The following RAB10 variants were observed in gnomAD, a reference collection of about 807,000 sequenced individuals.
RAB10 encodes ras-related protein Rab-10.
In RAB10, 5 loss-of-function variants were observed where a neutral mutation model predicts 25.7. The observed-to-expected ratio is 0.19, with a 90% CI of 0.10 to 0.41. The LOEUF (loss-of-function observed/expected upper bound fraction) is 0.41. Among genes scored for constraint, RAB10 ranks in the 10% least tolerant of loss-of-function variants. The pLI is 1.00. For missense variants in RAB10, 103 were observed against 245.8 expected (o/e 0.42, Z 3.89); for synonymous variants, 89 against 86.4 (o/e 1.03, Z -0.16).
intron 3 of RAB10, among the ~76,000 whole-genome samples, chr2:26,123,999 A>G (rs1351486185): frequency 6.6e-6 from 1 of 152,150 alleles, no homozygotes; most frequent in Non-Finnish European, 1.5e-5. Context: ...CAATTTGAAG[A>G]CATTGAGGAT....
chr2:26,098,109 C>CTTTTTTTTTTTT (rs57174956), intron 1 of RAB10, among the ~76,000 whole-genome samples: 18 of 52,726 alleles, frequency 3.4e-4, no homozygotes, highest in African/African-American at 6.2e-4. Context: ...TTCTTTCTTT[C>CTTTTTTTTTTTT]TTTTTTTTTT....
intron 1 of RAB10, among the ~76,000 whole-genome samples, chr2:26,068,167 G>A (rs1365947642): frequency 6.6e-6 from 1 of 152,106 alleles, no homozygotes; most frequent in Non-Finnish European, 1.5e-5. Context: ...CAGAGGAAGT[G>A]GGCACAAAAA....
chr2:26,098,109 CTTTTTTTTTTTTTTT>C (rs57174956), intron 1 of RAB10, among the ~76,000 whole-genome samples: 2 of 52,724 alleles, frequency 3.8e-5, no homozygotes, highest in African/African-American at 7.7e-5. Flanking sequence ...TTCTTTCTTT[CTTTTTTTTTTTTTTT>C]TTTTTTTTTT....
chr2:26,096,325 T>G lies in RAB10; in HGVS notation c.128-2337T>G, dbSNP rs534002004. On this transcript the variant is annotated intron_variant, in intron 1 of 5. Coordinates refer to ENST00000264710, the MANE Select transcript of RAB10 (RefSeq NM_016131.5). ...TCACAGAGCAGCTTCAGAATTCTGA[T>G]GTAGAAAGTGTAAGGATGTATGCCA... Among the ~76,000 whole-genome samples, 57 of 152,284 alleles carry G rather than the reference T, an allele frequency of 3.7e-4. No individual in the cohort carries two copies. In the South Asian group the frequency reaches 0.011, roughly 30 times the overall value.
intron 1 of RAB10, among the ~76,000 whole-genome samples, chr2:26,076,260 AG>A (rs1458506197): frequency 2.6e-5 from 4 of 152,244 alleles, no homozygotes; most frequent in Admixed American, 6.5e-5. Flanking sequence ...CCACAAAGCT[AG>A]AATGTGGCAG....
chr2:26,049,372 C>T (rs1364765633), intron 1 of RAB10, among the ~76,000 whole-genome samples: 5 of 150,964 alleles, frequency 3.3e-5, no homozygotes, highest in Non-Finnish European at 5.9e-5. Flanking sequence ...TGACTCTTGC[C>T]GTAATTTACA....
intron 1 of RAB10, among the ~76,000 whole-genome samples, chr2:26,065,446 CAA>C (rs538717084): frequency 3.8e-4 from 58 of 152,038 alleles, no homozygotes; most frequent in African/African-American, 1.2e-3. Flanking sequence ...TCCCTGTTTG[CAA>C]GCTTTTGTTT....
At chr2:26,091,909 T>C (rs560179087) in intron 1 of RAB10, among the ~76,000 whole-genome samples, 44 of 152,236 alleles carry the variant, frequency 2.9e-4, no homozygotes, top group African/African-American at 1.1e-3. Flanking sequence ...TGGTGGCTCA[T>C]GCCTGTAATC....
At chr2:26,072,940 A>C (rs532975462) in intron 1 of RAB10, among the ~76,000 whole-genome samples, 52 of 152,310 alleles carry the variant, frequency 3.4e-4, no homozygotes, top group African/African-American at 1.2e-3. Flanking sequence ...ACCTACACAA[A>C]AGTTTGTTGA....
At chr2:26,057,563 A>C (rs925288114) in intron 1 of RAB10, among the ~76,000 whole-genome samples, 32 of 149,534 alleles carry the variant, frequency 2.1e-4, no homozygotes, top group Non-Finnish European at 4.3e-4. Context: ...TGTAGAGAAA[A>C]AGAACATGGA....
At chr2:26,099,954 T>A (rs1034480009) in intron 2 of RAB10, among the ~76,000 whole-genome samples, 16 of 152,176 alleles carry the variant, frequency 1.1e-4, no homozygotes, top group African/African-American at 3.6e-4. Context: ...GATTTTAAAG[T>A]ATCCTTTTCC....
intron 2 of RAB10, among the ~76,000 whole-genome samples, chr2:26,103,748 A>G (rs1421985825): frequency 1.3e-5 from 2 of 152,092 alleles, no homozygotes; most frequent in African/African-American, 4.8e-5. Flanking sequence ...TTATCCTCCC[A>G]ATTCCCTGGC....
At chr2:26,109,672 T>C (rs1667533317) in intron 2 of RAB10, 96 bp from the exon 3 acceptor site, 1 of 1,258,646 alleles carries the variant, frequency 7.9e-7, no homozygotes, top group African/African-American at 1.6e-5. Flanking sequence ...AAAAAGTTTT[T>C]ATATATACTT....
chr2:26,116,708 C>T (rs1369252774), intron 3 of RAB10, among the ~76,000 whole-genome samples: 2 of 151,936 alleles, frequency 1.3e-5, no homozygotes, highest in Non-Finnish European at 2.9e-5. Flanking sequence ...AGGCACCCGC[C>T]ACCGCACCCA....
chr2:26,077,225 T>C (rs1666756869), intron 1 of RAB10, among the ~76,000 whole-genome samples: 1 of 152,204 alleles, frequency 6.6e-6, no homozygotes, highest in Non-Finnish European at 1.5e-5. Flanking sequence ...ATTTTTTTGT[T>C]AAAAGTACAT....
rs1231658965 is a variant in RAB10, at chr2:26,078,928, AC to A, written c.128-19732del. ...GACTTGGCCAGGTGTGGTGGCTTAC[AC>A]CTGTAATCTCAGCACTTTGGGAGGC... On this transcript the variant is annotated intron_variant, in intron 1 of 5. Coordinates refer to ENST00000264710, the MANE Select transcript of RAB10 (RefSeq NM_016131.5). Among the ~76,000 whole-genome samples, 8 of 152,240 alleles carry A rather than the reference AC, an allele frequency of 5.3e-5. No homozygotes were observed. In the East Asian group the frequency reaches 1.5e-3, roughly 29 times the overall value.
chr2:26,071,453 C>G (rs1161886108), intron 1 of RAB10, among the ~76,000 whole-genome samples: 2 of 152,158 alleles, frequency 1.3e-5, no homozygotes, highest in African/African-American at 4.8e-5. Context: ...TTTGGGAGGC[C>G]AAGGCGGGTG....
intron 1 of RAB10, among the ~76,000 whole-genome samples, chr2:26,051,989 G>A (rs572622505): frequency 4.0e-5 from 6 of 150,962 alleles, no homozygotes; most frequent in African/African-American, 1.2e-4. Flanking sequence ...CCCGGGAGGC[G>A]GAGGTTGCAG....
chr2:26,095,986 C>T (rs547655134), intron 1 of RAB10, among the ~76,000 whole-genome samples: 2 of 152,180 alleles, frequency 1.3e-5, no homozygotes, highest in Admixed American at 6.5e-5. Context: ...GTGCAAGTAA[C>T]GCCTATTTAT....
Sources: allele counts gnomAD v4.1 joint callset (sites outside exome capture counted in the v4.1 genomes callset), GRCh38; gene constraint gnomAD v4.1.1; transcripts MANE v1.5; gene names NCBI Gene and HGNC (gene_info 2026-07-23, HGNC 2026-07-21).